ZDHHC23: variants seen among roughly 807,000 people sequenced by gnomAD.
ZDHHC23 encodes the protein zDHHC palmitoyltransferase 23.
Under a neutral mutation model 40.2 loss-of-function variants are expected in ZDHHC23, and 41 were observed. The ratio of observed to expected loss-of-function variants is 1.02; its 90% CI spans 0.79 to 1.32. The LOEUF (loss-of-function observed/expected upper bound fraction) is 1.32. ZDHHC23 is among the 40% of genes most tolerant of loss of function. The probability of loss-of-function intolerance (pLI) is 0.00; values close to 1 mark genes in which losing one functional copy is unlikely to be tolerated. For missense variants in ZDHHC23, 471 were observed against 541.5 expected, an observed-to-expected ratio of 0.87 and a Z score of 1.29; for synonymous variants, 204 against 210.2, an observed-to-expected ratio of 0.97 and a Z score of 0.26.
intron 1 of ZDHHC23, 129 bp downstream of exon 1, chr3:113,948,319 C>T (rs530073634): frequency 2.5e-5 from 4 of 158,578 alleles, no homozygotes; most frequent in Admixed American, 6.0e-5. Flanking sequence ...GACCGCGACC[C>T]CTGAGCACTG....
rs1185684108 is a variant in ZDHHC23 at position 113,960,922 on chromosome 3, A to G, written c.*2292A>G. 4 of 803,618 alleles carry G rather than the reference A, an allele frequency of 5.0e-6. No homozygotes were observed. The highest frequency in any genetic ancestry group is 7.3e-6 in the Non-Finnish European group (4 of 550,546). The allele number at this position is 803,618 out of a possible 1,614,324, so 49.8% of individuals were successfully genotyped here. On this transcript the variant is annotated 3_prime_UTR_variant, in exon 5 of 5. Transcript: ENST00000638807. ...CCCAGGCGTCTGTACCGAAAGGAGC[A>G]GCAAACAAGGGGCTAATCCATGAGC... is the stretch of plus-strand genomic sequence containing the variant.
chr3:113,958,367 G>A lies in ZDHHC23; in HGVS notation c.1045G>A (p.Ala349Thr), dbSNP rs139763424. ...CAGCCTTTTTCCCTCTCCTAGCTCGGCTCTGTCCTTCACCTGCGTGTGGTA... is the reference window on the plus strand; with the variant it reads ...CAGCCTTTTTCCCTCTCCTAGCTCGACTCTGTCCTTCACCTGCGTGTGGTA... ...CPGVYANYSS[A>T]LSFTCVWYSV... Residue 349 changes from alanine to threonine, a missense_variant, in exon 5 of 5, where the codon GCT (alanine) becomes ACT (threonine). By Grantham distance (58) the Ala-to-Thr change is moderately conservative. Transcript: ENST00000638807. 5.0e-6 allele frequency: 8 copies of A among 1,610,042 alleles called. No individual in the cohort carries two copies. The highest frequency in any genetic ancestry group is 6.8e-6 in the Non-Finnish European group (8 of 1,176,646).
the ZDHHC23 span, among the ~76,000 whole-genome samples, chr3:113,979,262 G>T: frequency 6.6e-6 from 1 of 152,130 alleles, no homozygotes; most frequent in African/African-American, 2.4e-5. Flanking sequence ...TATGGAAATG[G>T]AACAACCAAC....
Position 113,948,757 on chromosome 3 carries a change from T to A in ZDHHC23, c.-46T>A, listed in dbSNP as rs748401814. The A allele has an allele frequency of 1.2e-6, 2 of 1,611,710 alleles. No homozygotes were observed. The highest frequency in any genetic ancestry group is 1.7e-6 in the Non-Finnish European group (2 of 1,178,744). ...GATGTAAGTTGTGTTCTTTCCACCT[T>A]TACCTTCTGAGGGCTTCTTACGCCT... On this transcript the variant is annotated 5_prime_UTR_variant, in exon 2 of 5. Transcript: ENST00000638807.
the ZDHHC23 span, among the ~76,000 whole-genome samples, chr3:113,973,519 G>C: frequency 6.6e-6 from 1 of 150,908 alleles, no homozygotes; most frequent in Non-Finnish European, 1.5e-5. Flanking sequence ...CTCAGCATTT[G>C]TTTTTCTGAG....
Position 113,960,636 on chromosome 3 carries a change from GAAGAT to G in ZDHHC23, c.*2010_*2014del, listed in dbSNP as rs1423133488. On this transcript the variant is annotated 3_prime_UTR_variant, in exon 5 of 5. Transcript: ENST00000638807. Reference sequence around the variant, plus strand: ...ACATCTAAATGTAATGTGATGTGATGAAGATAAGTAGTACAAAGAGACCAAAATAA... The same window carrying G: ...ACATCTAAATGTAATGTGATGTGATGAAGTAGTACAAAGAGACCAAAATAA... 128 of 1,589,764 alleles carry G rather than the reference GAAGAT, an allele frequency of 8.1e-5. No individual in the cohort carries two copies. Among genetic ancestry groups the G allele is most frequent in the Non-Finnish European group, 1.0e-4 (123 of 1,172,730 alleles).
At chr3:113,952,250 C>G (rs1938746737) in intron 2 of ZDHHC23, among the ~76,000 whole-genome samples, 1 of 152,220 alleles carries the variant, frequency 6.6e-6, no homozygotes, top group Non-Finnish European at 1.5e-5. Context: ...AGTTTAATCA[C>G]TCTTGAGTTC....
the ZDHHC23 span, among the ~76,000 whole-genome samples, chr3:113,971,526 T>C: frequency 6.6e-6 from 1 of 152,228 alleles, no homozygotes; most frequent in African/African-American, 2.4e-5. Flanking sequence ...CTGGGATAAA[T>C]CCCACTTGAT....
chr3:113,954,543 T>TTG, intron 3 of ZDHHC23, 133 bp downstream of exon 3: 2 of 845,484 alleles, frequency 2.4e-6, no homozygotes, highest in Non-Finnish European at 3.5e-6. Flanking sequence ...TTGTGGGTTG[T>TTG]TGTGATGTTC....
downstream of ZDHHC23, chr3:113,964,920 A>T (rs1054189204): frequency 1.5e-5 from 5 of 343,742 alleles, no homozygotes; most frequent in Admixed American, 2.4e-4. Context: ...ATTTGAACAG[A>T]CGATCTCTAG....
At position 113,958,794 on chromosome 3, in the gene ZDHHC23, C is replaced by T; in HGVS notation, c.*164C>T. 1 of 1,508,392 alleles carries T rather than the reference C, an allele frequency of 6.6e-7. No individual in the cohort carries two copies. Among genetic ancestry groups the T allele is most frequent in the Non-Finnish European group, 8.9e-7 (1 of 1,124,652 alleles). The allele number at this position is 1,508,392 out of a possible 1,614,324, so 93.4% of individuals were successfully genotyped here. A position where few individuals can be genotyped will look rare whatever the true frequency, so the allele number is the denominator to read the frequency against. On this transcript the variant is annotated 3_prime_UTR_variant, in exon 5 of 5. Coordinates refer to ENST00000638807, the MANE Select transcript of ZDHHC23 (RefSeq NM_001320466.2). ...GAAGAAGTTAATTTTTCTGACGCCACAACTTAAGAGACTTTTATACTGAGG... is the reference window on the plus strand; with the variant it reads ...GAAGAAGTTAATTTTTCTGACGCCATAACTTAAGAGACTTTTATACTGAGG...
chr3:113,965,108 A>G, downstream of ZDHHC23: 3 of 1,261,348 alleles, frequency 2.4e-6, no homozygotes, highest in South Asian at 3.0e-5. Flanking sequence ...GATAACACAC[A>G]TACAGACTAG....
At chr3:113,952,490 C>T (rs1938771827) in intron 2 of ZDHHC23, among the ~76,000 whole-genome samples, 1 of 152,170 alleles carries the variant, frequency 6.6e-6, no homozygotes, top group African/African-American at 2.4e-5. Context: ...CCAGAATCAC[C>T]CTTGACAGTT....
chr3:113,978,764 C>T, the ZDHHC23 span: 3 of 1,357,066 alleles, frequency 2.2e-6, no homozygotes, highest in Non-Finnish European at 3.1e-6. Context: ...CTTGAAAAAA[C>T]ATAATGACCC....
intron 3 of ZDHHC23, among the ~76,000 whole-genome samples, chr3:113,955,949 A>G (rs1263831829): frequency 6.6e-6 from 1 of 152,238 alleles, no homozygotes; most frequent in Non-Finnish European, 1.5e-5. Context: ...TTCCCTATTT[A>G]AAACCTTGTC....
Position 113,948,856 on chromosome 3 carries a change from T to C in ZDHHC23, c.54T>C (p.Pro18=), listed in dbSNP as rs565736900. The C allele has an allele frequency of 1.7e-5, 28 of 1,614,148 alleles. 1 individual carries two copies. The Middle Eastern group carries it at 9.9e-4, about 57-fold the overall frequency. Residue 18 remains proline (P), a synonymous_variant, in exon 2 of 5, where the codon CCT becomes CCC. Coordinates refer to ENST00000638807, the MANE Select transcript of ZDHHC23 (RefSeq NM_001320466.2). ...TGAAGAAAAAGAAAACCGAAGAACC[T>C]GAATTGGAGCCCCTGTGCTGCTGCG... The part of the protein sequence containing the change: ...KPVKKKKTEE[P]ELEPLCCCEY...
At position 113,954,350 on chromosome 3, in the gene ZDHHC23, G is replaced by C. The variant is rs1248132766; in HGVS notation, c.812G>C (p.Arg271Pro). The C allele has an allele frequency of 1.2e-6, 2 of 1,613,184 alleles. No homozygotes were observed. The highest frequency in any genetic ancestry group is 1.7e-6 in the Non-Finnish European group (2 of 1,179,474). The change falls in exon 3 of 5, where the codon CGG becomes CCG. Residue 271 changes from arginine to proline, a missense_variant. Coordinates refer to ENST00000638807, the MANE Select transcript of ZDHHC23 (RefSeq NM_001320466.2). ...CAKCQLVRPA[R>P]AWHCRICGIC... ...AAGTGCCAGCTGGTGCGACCAGCCC[G>C]GGCATGGCACTGCCGGATATGTGGC...
downstream of ZDHHC23, among the ~76,000 whole-genome samples, chr3:113,963,574 CAAA>C (rs10526433): frequency 2.0e-5 from 1 of 50,768 alleles, no homozygotes; most frequent in Admixed American, 2.5e-4. Flanking sequence ...CCATCTCTAC[CAAA>C]AAAAAAAAAA....
Position 113,962,521 on chromosome 3 carries a change from C to G in ZDHHC23, c.*3891C>G, listed in dbSNP as rs1939758084. 1 of 152,220 alleles carries G rather than the reference C, an allele frequency of 6.6e-6. No individual in the cohort carries two copies. 9.4% of individuals were successfully genotyped at this position (152,220 alleles called of 1,614,324 possible). A position where few individuals can be genotyped will look rare whatever the true frequency, so the allele number is the denominator to read the frequency against. Reference sequence around the variant, plus strand: ...GCAAAGCTTTAAAAGCAGAGCTAGTCTATTCTAGTTACTGATGCAACTAAA... The same window carrying G: ...GCAAAGCTTTAAAAGCAGAGCTAGTGTATTCTAGTTACTGATGCAACTAAA... On this transcript the variant is annotated 3_prime_UTR_variant, in exon 5 of 5. Transcript: ENST00000638807.
Sources: allele counts gnomAD v4.1 joint callset (sites outside exome capture counted in the v4.1 genomes callset), GRCh38; gene constraint gnomAD v4.1.1; transcripts MANE v1.5; gene names NCBI Gene and HGNC (gene_info 2026-07-23, HGNC 2026-07-21).